The following MST1 variants were observed in gnomAD, a reference collection of about 807,000 sequenced individuals.
MST1 encodes hepatocyte growth factor-like protein.
A neutral mutation model predicts 100.1 loss-of-function variants in MST1; 76 were observed. The ratio of observed to expected loss-of-function variants is 0.76; its 90% CI spans 0.63 to 0.92. The LOEUF (loss-of-function observed/expected upper bound fraction) is 0.92, where lower values mean the gene tolerates loss of function less well. Ranked by LOEUF, MST1 falls within the 40% of genes least tolerant of loss-of-function variation. The pLI, the probability that MST1 is intolerant of heterozygous loss-of-function variation, is 0.00. For missense variants in MST1, 850 were observed against 990.0 expected (o/e 0.86, Z 1.90); for synonymous variants, 352 against 385.4 (o/e 0.91, Z 1.01).
chr3:49,689,130 G>T lies in MST1; in HGVS notation c.-439C>A. On this transcript the variant is annotated 5_prime_UTR_variant, in exon 1 of 18. Transcript: ENST00000449682. Reference sequence around the variant, plus strand: ...TAGGCAGGTCAGCCCACACCCGGCGGCAGAGCCCAGAGAGGCTCGCTCATC... The same window carrying T: ...TAGGCAGGTCAGCCCACACCCGGCGTCAGAGCCCAGAGAGGCTCGCTCATC... 6.5e-6 allele frequency: 1 copy of T among 154,534 alleles called. No homozygotes were observed. Among genetic ancestry groups the T allele is most frequent in the East Asian group, 1.9e-4 (1 of 5,232 alleles). The allele number at this position is 154,534 out of a possible 1,614,324, so 9.6% of individuals were successfully genotyped here.
In MST1 at chr3:49,687,236, G is replaced by A; in HGVS notation, c.520C>T (p.Pro174Ser). The change falls in exon 5 of 18, where the codon CCT becomes TCT. Residue 174 changes from proline to serine, a missense_variant. Physicochemically the swap from Pro to Ser is moderately conservative, Grantham distance 74 (BLOSUM62 -1). This residue lies in a region of MST1 where 816 missense variants were observed against 924.6 expected (regional missense o/e 0.88). Coordinates refer to ENST00000449682, the MANE Select transcript of MST1 (RefSeq NM_020998.4). ...CAAGGACCTCCGGGGTCGCCATCAG[G>A]GTTACGGCAGAAGTTCTCTTCCAGG... Reference protein sequence around the residue: ...NGLEENFCRNPDGDPGGPWCY... With the variant: ...NGLEENFCRNSDGDPGGPWCY... 1 of 1,613,530 alleles carries A rather than the reference G, an allele frequency of 6.2e-7. No homozygotes were observed. The highest frequency in any genetic ancestry group is 8.5e-7 in the Non-Finnish European group (1 of 1,179,878).
chr3:49,687,310 G>A (rs750834110), intron 4 of MST1, 25 bp from the exon 5 acceptor site: 3 of 1,613,480 alleles, frequency 1.9e-6, no homozygotes, highest in South Asian at 2.2e-5. Flanking sequence ...CATCACTATA[G>A]TGTGTGCTGG....
chr3:49,684,868 C>A lies in MST1; in HGVS notation c.1639G>T (p.Gly547Cys). The A allele has an allele frequency of 6.2e-7, 1 of 1,613,576 alleles. No homozygotes were observed. Among genetic ancestry groups the A allele is most frequent in the African/African-American group, 1.3e-5 (1 of 75,036 alleles). Residue 547 changes from glycine (G) to cysteine (C), a missense_variant, in exon 15 of 18, where the codon GGC becomes TGC. Gly to Cys is a radical substitution (Grantham distance 159). Transcript: ENST00000449682. ...AGGGTGCCCAACCATACCTCATAGCCCGTGAGAGGCATATGGCTGGGAGAG... is the reference window on the plus strand; with the variant it reads ...AGGGTGCCCAACCATACCTCATAGCACGTGAGAGGCATATGGCTGGGAGAG... ...CFSSCHMPLT[G>C]YEVWLGTLFQ...
chr3:49,685,817 C>G (rs1339740291), intron 10 of MST1, 43 bp downstream of exon 10: 1 of 1,612,448 alleles, frequency 6.2e-7, no homozygotes, highest in East Asian at 2.2e-5. Context: ...CATGCCGCCC[C>G]AGGGTTAGGG....
rs1406875494 is a variant in MST1 at position 49,685,551 on chromosome 3, T to C, written c.1387+45A>G. 1.9e-6 allele frequency: 3 copies of C among 1,612,922 alleles called. No homozygotes were observed. The African/African-American group carries it at 4.0e-5, about 22-fold the overall frequency. ...GGGGTTAAGGGAGCCAGCCTTTGGG[T>C]GGGGGCTGAGGCAGGGTCATGGGGG... is the stretch of plus-strand genomic sequence containing the variant. On this transcript the variant is annotated intron_variant, in intron 11 of 17. Coordinates refer to ENST00000449682, the MANE Select transcript of MST1 (RefSeq NM_020998.4).
Position 49,687,430 on chromosome 3 carries a change from G to A in MST1, c.404C>T (p.Thr135Ile), listed in dbSNP as rs1183723324. The stretch of plus-strand genomic sequence containing the variant: ...CAGGCCACCCACGGTCGTGGCCATG[G>A]TGCCCCGGTACCCAACCCCATTGTT... The part of the protein sequence containing the change: ...IMNNGVGYRG[T>I]MATTVGGLPC... Residue 135 changes from threonine (T) to isoleucine (I), a missense_variant, in exon 4 of 18, where the codon ACC (threonine) becomes ATC (isoleucine). By Grantham distance (89) the Thr-to-Ile change is moderately conservative. This residue lies in a region of MST1 where 816 missense variants were observed against 924.6 expected (regional missense o/e 0.88). Transcript: ENST00000449682. The A allele has an allele frequency of 6.2e-7, 1 of 1,613,316 alleles. No homozygotes were observed. The highest frequency in any genetic ancestry group is 8.5e-7 in the Non-Finnish European group (1 of 1,179,886).
chr3:49,686,669 G>C lies in MST1; in HGVS notation c.847+15C>G, dbSNP rs1161232245. 6.5e-7 allele frequency: 1 copy of C among 1,550,252 alleles called. No individual in the cohort carries two copies. Among genetic ancestry groups the C allele is most frequent in the African/African-American group, 1.4e-5 (1 of 73,130 alleles). On this transcript the variant is annotated intron_variant, in intron 7 of 17. Transcript: ENST00000449682. ...GTTCCCAGGTACCCTCCCAGGCCTG[G>C]TCCCCGCCGCCTACCGCAGCGGGGG...
chr3:49,684,764 G>T lies in MST1; in HGVS notation c.1743C>A (p.Ser581=). Residue 581 remains serine (S), a synonymous_variant, in exon 15 of 18, where the codon TCC becomes TCA. Coordinates refer to ENST00000449682, the MANE Select transcript of MST1 (RefSeq NM_020998.4). ...VAKMVCGPSG[S]QLVLLKLERS... ...TCTCCAGCTTGAGCAGGACAAGCTGGGAGCCTGAGGGCCCACACACCATCT... is the reference window on the plus strand; with the variant it reads ...TCTCCAGCTTGAGCAGGACAAGCTGTGAGCCTGAGGGCCCACACACCATCT... 1 of 1,613,502 alleles carries T rather than the reference G, an allele frequency of 6.2e-7. No individual in the cohort carries two copies. Among genetic ancestry groups the T allele is most frequent in the Non-Finnish European group, 8.5e-7 (1 of 1,179,858 alleles).
chr3:49,686,106 A>G lies in MST1; in HGVS notation c.1103T>C (p.Phe368Ser). Residue 368 changes from phenylalanine to serine, a missense_variant, in exon 9 of 18, where the codon TTT becomes TCT. Phe to Ser is a radical substitution (Grantham distance 155). Around this residue, in one of 2 missense-constraint regions of MST1, gnomAD observed 816 missense variants for 924.6 expected, o/e 0.88. Coordinates refer to ENST00000449682, the MANE Select transcript of MST1 (RefSeq NM_020998.4). ...FTLRPGMRAA[F>S]CYQIRRCTDD... is the part of the protein sequence containing the mutation. ...TGTACAACGCCGGATCTGGTAGCAA[A>G]AGGCCGCGCGCATGCCGGGCCGCAG... 1 of 1,610,756 alleles carries G rather than the reference A, an allele frequency of 6.2e-7. No homozygotes were observed. Among genetic ancestry groups the G allele is most frequent in the Non-Finnish European group, 8.5e-7 (1 of 1,179,484 alleles).
rs2053663733 is a variant in MST1 at position 49,685,736 on chromosome 3, G to T, written c.1251-4C>A. 1 of 1,613,226 alleles carries T rather than the reference G, an allele frequency of 6.2e-7. No homozygotes were observed. Among genetic ancestry groups the T allele is most frequent in the Non-Finnish European group, 8.5e-7 (1 of 1,179,842 alleles). On this transcript the variant is annotated splice_polypyrimidine_tract_variant and splice_region_variant and intron_variant, in intron 10 of 17. Coordinates refer to ENST00000449682, the MANE Select transcript of MST1 (RefSeq NM_020998.4). Reference sequence around the variant, plus strand: ...CGGTTCGGAGGTAAACGTGAACCTAGGCGGAAGCGGGAGCAAAATCGTGGC... The same window carrying T: ...CGGTTCGGAGGTAAACGTGAACCTATGCGGAAGCGGGAGCAAAATCGTGGC...
Position 49,685,871 on chromosome 3 carries a change from C to T in MST1, c.1239G>A (p.Pro413=). The part of the protein sequence containing the change: ...VQCQRWSAET[P]HKPQFTFTSE... ...CACCAGGGACTCACTGCGGCTTGTG[C>T]GGCGTCTCAGCGGACCAGCGCTGGC... The change falls in exon 10 of 18, where the codon CCG becomes CCA. Residue 413 remains proline (P), a synonymous_variant. Coordinates refer to ENST00000449682, the MANE Select transcript of MST1 (RefSeq NM_020998.4). 1.9e-6 allele frequency: 3 copies of T among 1,608,204 alleles called. No individual in the cohort carries two copies. Among genetic ancestry groups the T allele is most frequent in the Non-Finnish European group, 1.7e-6 (2 of 1,178,658 alleles).
In MST1 at chr3:49,688,052, C is replaced by T. The variant is rs918326299; in HGVS notation, c.95-155G>A. ...TTTCAAGGGCCAGTCTAGCCCCCTGCACAGATACTTGTGAAAAAAATTTCC... is the reference window on the plus strand; with the variant it reads ...TTTCAAGGGCCAGTCTAGCCCCCTGTACAGATACTTGTGAAAAAAATTTCC... On this transcript the variant is annotated intron_variant, in intron 1 of 17. Coordinates refer to ENST00000449682, the MANE Select transcript of MST1 (RefSeq NM_020998.4). 50 of 1,230,978 alleles carry T rather than the reference C, an allele frequency of 4.1e-5. No homozygotes were observed. The African/African-American group carries it at 7.2e-4, about 18-fold the overall frequency. The allele number at this position is 1,230,978 out of a possible 1,614,324, so 76.3% of individuals were successfully genotyped here.
In MST1 at chr3:49,686,980, T is replaced by C; in HGVS notation, c.695A>G (p.Gln232Arg). Reference protein sequence around the residue: ...SGRECQRWDLQHPHQHPFEPG... With the variant: ...SGRECQRWDLRHPHQHPFEPG... Reference sequence around the variant, plus strand: ...CTCGAAGGGGTGCTGGTGCGGGTGCTGAAGATCCCAGCGCTGGCACTCGCG... The same window carrying C: ...CTCGAAGGGGTGCTGGTGCGGGTGCCGAAGATCCCAGCGCTGGCACTCGCG... Residue 232 changes from glutamine to arginine, a missense_variant, in exon 6 of 18, where the codon CAG becomes CGG. Transcript: ENST00000449682. 3 of 1,611,214 alleles carry C rather than the reference T, an allele frequency of 1.9e-6. No individual in the cohort carries two copies. Among genetic ancestry groups the C allele is most frequent in the Non-Finnish European group, 2.5e-6 (3 of 1,179,742 alleles).
chr3:49,687,665 G>C lies in MST1; in HGVS notation c.246C>G (p.Ala82=), dbSNP rs2053892131. ...GRCGPLMDCR[A]FHYNVSSHGC... ...CATGGCTGCTCACGTTGTAGTGGAA[G>C]GCCCTGGAGAGAAGAAGGCACAGGG... The change falls in exon 3 of 18, where the codon GCC becomes GCG. Residue 82 remains alanine, a synonymous_variant. Coordinates refer to ENST00000449682, the MANE Select transcript of MST1 (RefSeq NM_020998.4). 6.2e-7 allele frequency: 1 copy of C among 1,613,330 alleles called. No homozygotes were observed. The highest frequency in any genetic ancestry group is 1.3e-5 in the African/African-American group (1 of 74,938).
Position 49,687,130 on chromosome 3 carries a change from T to C in MST1, c.607+19A>G. On this transcript the variant is annotated intron_variant, in intron 5 of 17. Coordinates refer to ENST00000449682, the MANE Select transcript of MST1 (RefSeq NM_020998.4). ...GGGCTTGTCCCTCCACTCTCCCAGC[T>C]TGACCCGGCGCCGCTTACCCTCCCG... The C allele has an allele frequency of 6.2e-7, 1 of 1,613,002 alleles. No individual in the cohort carries two copies. The highest frequency in any genetic ancestry group is 1.7e-4 in the Middle Eastern group (1 of 6,048).
Position 49,686,197 on chromosome 3 carries a change from G to A in MST1, c.1017-5C>T, listed in dbSNP as rs3887842. The A allele has an allele frequency of 3.7e-6, 6 of 1,610,964 alleles. No homozygotes were observed. In the African/African-American group the frequency reaches 5.4e-5, roughly 14 times the overall value. On this transcript the variant is annotated splice_polypyrimidine_tract_variant and splice_region_variant and intron_variant, in intron 8 of 17. Coordinates refer to ENST00000449682, the MANE Select transcript of MST1 (RefSeq NM_020998.4). ...CAGAAGTTCTCCCGAAGGTCTCTAA[G>A]CAGGCGCTCCACTCAGCCCTAGCCC...
At chr3:49,686,257 C>A in intron 8 of MST1, 56 bp downstream of exon 8, 2 of 1,608,070 alleles carry the variant, frequency 1.2e-6, no homozygotes, top group Non-Finnish European at 1.7e-6. Flanking sequence ...GACTACCTTC[C>A]TCCCGTCTCA....
intron 13 of MST1, 39 bp from the exon 14 acceptor site, chr3:49,685,128 G>A (rs1348872310): frequency 1.9e-6 from 3 of 1,602,134 alleles, no homozygotes; most frequent in Admixed American, 1.7e-5. Flanking sequence ...ACAGACTCCT[G>A]GGACAGATGC....
At chr3:49,688,251 A>AG (rs763517397) in intron 1 of MST1, 13 of 472,068 alleles carry the variant, frequency 2.8e-5, no homozygotes, top group Non-Finnish European at 5.0e-5. Flanking sequence ...TTACCCAGCC[A>AG]GGGGCCCTGG....
Sources: gnomAD v4.1 joint callset for allele counts on GRCh38, gnomAD v4.1.1 for gene constraint, gnomAD v4.1.1 regional missense constraint, MANE v1.5 for transcripts, NCBI Gene and HGNC (gene_info 2026-07-23, HGNC 2026-07-21) for gene names.